The following DSCAM variants were observed in gnomAD, a reference collection of about 807,000 sequenced individuals.
DSCAM encodes the protein cell adhesion molecule DSCAM.
A neutral mutation model predicts 217.7 loss-of-function variants in DSCAM; 47 were observed. The ratio of observed to expected loss-of-function variants is 0.22; its 90% CI spans 0.17 to 0.28. DSCAM has a LOEUF of 0.28. Among genes scored for constraint, DSCAM ranks in the 10% least tolerant of loss-of-function variants. DSCAM has a pLI of 1.00. For missense variants in DSCAM, 2,080 were observed against 2,618.3 expected (o/e 0.79, Z 4.49); for synonymous variants, 1,056 against 1,015.3 (o/e 1.04, Z -0.76).
intron 25 of DSCAM, among the ~76,000 whole-genome samples, chr21:40,079,885 T>TA (rs1405588472): frequency 1.3e-5 from 2 of 152,132 alleles, no homozygotes; most frequent in Non-Finnish European, 2.9e-5. Context: ...TGCCCAGCCT[T>TA]GGCACCTCAC....
chr21:40,614,097 C>T (rs1481376914), intron 3 of DSCAM, among the ~76,000 whole-genome samples: 1 of 152,204 alleles, frequency 6.6e-6, no homozygotes, highest in Non-Finnish European at 1.5e-5. Flanking sequence ...CAGTCCCAAT[C>T]CTGGCACTGC....
At chr21:40,607,800 C>G (rs6517600) in intron 3 of DSCAM, among the ~76,000 whole-genome samples, 32,265 of 152,144 alleles carry the variant, frequency 0.21, 3,642 homozygotes, top group East Asian at 0.31. Context: ...TCCATTAAAC[C>G]TCTTTTTCTT....
At chr21:40,180,881 TTGG>T (rs983468936) in intron 14 of DSCAM, among the ~76,000 whole-genome samples, 3 of 152,036 alleles carry the variant, frequency 2.0e-5, no homozygotes, top group African/African-American at 7.2e-5. Flanking sequence ...CAGTCCCCTC[TTGG>T]TGGTCACTGG....
At chr21:40,610,486 C>G in intron 3 of DSCAM, among the ~76,000 whole-genome samples, 1 of 152,206 alleles carries the variant, frequency 6.6e-6, no homozygotes, top group East Asian at 1.9e-4. Context: ...AAGCGGCTTC[C>G]AGCTTCCGGT....
At chr21:40,232,540 C>T (rs762128817) in intron 11 of DSCAM, among the ~76,000 whole-genome samples, 15 of 152,040 alleles carry the variant, frequency 9.9e-5, no homozygotes, top group Non-Finnish European at 7.4e-5. Flanking sequence ...TAAAGGTGCC[C>T]GGAAAGCTAC....
chr21:40,170,620 A>G (rs572057637), intron 15 of DSCAM, among the ~76,000 whole-genome samples: 67 of 152,336 alleles, frequency 4.4e-4, no homozygotes, highest in African/African-American at 1.6e-3. Context: ...GCTCTTAGGC[A>G]GGAAACTTTG....
At chr21:40,522,464 T>C (rs1195539478) in intron 3 of DSCAM, among the ~76,000 whole-genome samples, 1 of 152,252 alleles carries the variant, frequency 6.6e-6, no homozygotes, top group Non-Finnish European at 1.5e-5. Flanking sequence ...TATTTTTAAC[T>C]GCCTTCATTA....
chr21:40,425,523 ATTT>A (rs1254695621), intron 3 of DSCAM, among the ~76,000 whole-genome samples: 1 of 147,642 alleles, frequency 6.8e-6, no homozygotes, highest in African/African-American at 2.6e-5. Context: ...ATAAATAAGA[ATTT>A]TTTTACCCCC....
At position 40,428,833 on chromosome 21, in the gene DSCAM, T is replaced by TACACACAC. The variant is rs35691309; in HGVS notation, c.509-59596_509-59589dup. 3.4e-3 allele frequency among the ~76,000 whole-genome samples: 509 copies of TACACACAC among 149,184 alleles called. 5 individuals carry two copies. Among genetic ancestry groups the TACACACAC allele is most frequent in the African/African-American group, 0.011 (468 of 40,746 alleles). ...CTTCCTTTATCATACAGCGACCTAA[T>TACACACAC]ACACACACACACACACACACACACC... On this transcript the variant is annotated intron_variant, in intron 3 of 32. Coordinates refer to ENST00000400454, the MANE Select transcript of DSCAM (RefSeq NM_001389.5).
chr21:40,369,726 C>A (rs1164660070), intron 3 of DSCAM, among the ~76,000 whole-genome samples: 1 of 152,052 alleles, frequency 6.6e-6, no homozygotes, highest in Non-Finnish European at 1.5e-5. Context: ...TCAATAAAAG[C>A]ACAAAAATAT....
chr21:40,403,447 T>A (rs2075255232), intron 3 of DSCAM, among the ~76,000 whole-genome samples: 1 of 151,994 alleles, frequency 6.6e-6, no homozygotes, highest in African/African-American at 2.4e-5. Context: ...ACAGAGTAAA[T>A]CTATTTTACA....
chr21:40,363,701 C>A (rs1018646102), intron 4 of DSCAM, among the ~76,000 whole-genome samples: 1 of 152,152 alleles, frequency 6.6e-6, no homozygotes, highest in Non-Finnish European at 1.5e-5. Context: ...AACTAAAGAT[C>A]TTCTGCACAG....
chr21:40,650,544 G>C (rs982195084), intron 3 of DSCAM, among the ~76,000 whole-genome samples: 1 of 152,212 alleles, frequency 6.6e-6, no homozygotes, highest in Non-Finnish European at 1.5e-5. Flanking sequence ...TTCAGAGCCC[G>C]GATAGAACAG....
intron 3 of DSCAM, among the ~76,000 whole-genome samples, chr21:40,607,751 C>A (rs527792622): frequency 5.3e-5 from 8 of 152,310 alleles, no homozygotes; most frequent in Middle Eastern, 3.4e-3. Context: ...CACCTTCTGC[C>A]ATGAGTGTGA....
At chr21:40,076,034 T>G (rs1050705021) in intron 26 of DSCAM, among the ~76,000 whole-genome samples, 1 of 152,038 alleles carries the variant, frequency 6.6e-6, no homozygotes, top group East Asian at 1.9e-4. Context: ...CACTGCACTT[T>G]CCATGTACAA....
At chr21:40,033,316 G>A (rs1478693906) in intron 32 of DSCAM, among the ~76,000 whole-genome samples, 3 of 152,140 alleles carry the variant, frequency 2.0e-5, no homozygotes, top group African/African-American at 4.8e-5. Context: ...CAGTGGGTGT[G>A]CACACCATGC....
At chr21:40,490,824 C>T (rs918867935) in intron 3 of DSCAM, among the ~76,000 whole-genome samples, 1 of 152,214 alleles carries the variant, frequency 6.6e-6, no homozygotes, top group Admixed American at 6.5e-5. Flanking sequence ...CACAAGGATT[C>T]CTTGTCACTG....
intron 1 of DSCAM, among the ~76,000 whole-genome samples, chr21:40,843,178 C>A (rs2123690843): frequency 6.6e-6 from 1 of 152,264 alleles, no homozygotes; most frequent in Non-Finnish European, 1.5e-5. Context: ...AGCGTGTGCT[C>A]TGTAATTTCC....
intron 1 of DSCAM, among the ~76,000 whole-genome samples, chr21:40,739,796 T>C (rs3071008): frequency 1.8e-3 from 254 of 139,926 alleles, no homozygotes; most frequent in African/African-American, 5.2e-3. Context: ...TTTTTTTTTT[T>C]CCCCCAGAAA....
Sources: allele counts gnomAD v4.1 joint callset (sites outside exome capture counted in the v4.1 genomes callset), GRCh38; gene constraint gnomAD v4.1.1; transcripts MANE v1.5; gene names NCBI Gene and HGNC (gene_info 2026-07-23, HGNC 2026-07-21).